IRAG1: variants seen among roughly 807,000 people sequenced by gnomAD.
IRAG1 encodes IP3R-associated cGMP kinase substrate.
IRAG1 carries 62 observed loss-of-function variants against 106.2 expected under a neutral mutation model. That is an observed-to-expected ratio of 0.58 (90% CI 0.48 to 0.72). The LOEUF (loss-of-function observed/expected upper bound fraction) is 0.72, where lower values mean the gene tolerates loss of function less well. Among genes scored for constraint, IRAG1 ranks in the 30% least tolerant of loss-of-function variants. The pLI is 0.00. For missense variants in IRAG1, 1,064 were observed against 1,140.7 expected, an observed-to-expected ratio of 0.93 and a Z score of 0.97; for synonymous variants, 462 against 443.9, an observed-to-expected ratio of 1.04 and a Z score of -0.51.
At position 10,631,992 on chromosome 11, in the gene IRAG1, C is replaced by G. The variant is rs746872526; in HGVS notation, c.399G>C (p.Val133=). ...LKVSTASLTS[V]DPAGHIIDLV... is the part of the protein sequence containing the mutation. The stretch of plus-strand genomic sequence containing the variant: ...GCCTTAGATTGCCCTGGTCCTTACC[C>G]ACAGATGTCAGGGAGGCAGTGGACA... Residue 133 remains valine (V), a splice_region_variant and synonymous_variant, in exon 4 of 21, where the codon GTG becomes GTC. Coordinates refer to ENST00000423302, the MANE Select transcript of IRAG1 (RefSeq NM_130385.4). 2 of 1,613,604 alleles carry G rather than the reference C, an allele frequency of 1.2e-6. No homozygotes were observed. Among genetic ancestry groups the G allele is most frequent in the Admixed American group, 3.3e-5 (2 of 60,016 alleles).
In IRAG1 at chr11:10,654,306, T is replaced by C. The variant is rs1046256614; in HGVS notation, c.68-2124A>G. On this transcript the variant is annotated intron_variant, in intron 1 of 20. Transcript: ENST00000423302. ...TGAGCTAGGCAAGGTGTCAGATTCA[T>C]CCTAGGTACCCAAAAGATTCAGCAA... Among the ~76,000 whole-genome samples, 3 of 152,204 alleles carry C rather than the reference T, an allele frequency of 2.0e-5. No individual in the cohort carries two copies. The East Asian group carries it at 5.8e-4, about 29-fold the overall frequency.
chr11:10,576,598 A>T, intron 20 of IRAG1, 23 bp from the exon 21 acceptor site: 1 of 1,613,444 alleles, frequency 6.2e-7, no homozygotes, highest in Non-Finnish European at 8.5e-7. Flanking sequence ...AAAAATATGC[A>T]GAGGCTTTAG....
At chr11:10,662,926 G>T (rs765353532) in intron 1 of IRAG1, among the ~76,000 whole-genome samples, 12 of 152,338 alleles carry the variant, frequency 7.9e-5, no homozygotes, top group South Asian at 4.1e-4. Flanking sequence ...CACTTGATGG[G>T]ATCGCACTAG....
At chr11:10,680,355 AAGAAAG>A (rs1460586813) in intron 1 of IRAG1, among the ~76,000 whole-genome samples, 1 of 90,462 alleles carries the variant, frequency 1.1e-5, no homozygotes, top group African/African-American at 4.9e-5. Context: ...GAAAGAAAGA[AAGAAAG>A]AAAGAAAGAA....
rs1856452080 is a variant in IRAG1 at position 10,628,611 on chromosome 11, G to A, written c.652+140C>T. 5 of 696,890 alleles carry A rather than the reference G, an allele frequency of 7.2e-6. No individual in the cohort carries two copies. The highest frequency in any genetic ancestry group is 9.1e-6 in the Non-Finnish European group (4 of 437,950). 43.2% of individuals were successfully genotyped at this position (696,890 alleles called of 1,614,324 possible). ...CAGCAAATGCCCCCCCTGGAGAGGG[G>A]TCTTGCTCTGGGTGTGAAGGGGCCA... is the stretch of plus-strand genomic sequence containing the variant. On this transcript the variant is annotated intron_variant, in intron 6 of 20. Transcript: ENST00000423302. This position sits in a 1 kb window ranked among gnomAD's most constrained non-coding sequence, Gnocchi z 4.1.
At chr11:10,660,157 G>A (rs896444179) in intron 1 of IRAG1, among the ~76,000 whole-genome samples, 2 of 152,230 alleles carry the variant, frequency 1.3e-5, no homozygotes, top group African/African-American at 2.4e-5. Flanking sequence ...GTGGTGCACA[G>A]GAGCCTGCTT....
At chr11:10,679,436 C>T (rs1860968199) in intron 1 of IRAG1, among the ~76,000 whole-genome samples, 1 of 152,210 alleles carries the variant, frequency 6.6e-6, no homozygotes, top group African/African-American at 2.4e-5. Context: ...AATCCCCCAA[C>T]TGCCCTATGA....
chr11:10,584,025 G>T (rs990373677), intron 18 of IRAG1, among the ~76,000 whole-genome samples: 3 of 152,126 alleles, frequency 2.0e-5, no homozygotes, highest in African/African-American at 7.2e-5. Context: ...GCTGGGAGGT[G>T]CTGGGAGATC....
At chr11:10,601,437 C>T (rs1243140238) in intron 14 of IRAG1, among the ~76,000 whole-genome samples, 1 of 152,126 alleles carries the variant, frequency 6.6e-6, no homozygotes, top group Non-Finnish European at 1.5e-5. Context: ...CAAGAGGAGT[C>T]TAGAGGCAGG....
At chr11:10,629,733 G>C (rs746784606) in intron 4 of IRAG1, 22 bp from the exon 5 acceptor site, 11 of 1,608,370 alleles carry the variant, frequency 6.8e-6, no homozygotes, top group Admixed American at 1.7e-5. Flanking sequence ...GGATGAGCTG[G>C]GGTGAGAGCC....
At chr11:10,678,801 T>A (rs12420675) in intron 1 of IRAG1, among the ~76,000 whole-genome samples, 60,882 of 152,064 alleles carry the variant, frequency 0.4, 12,542 homozygotes, top group African/African-American at 0.47. Flanking sequence ...TGGGGCAGAT[T>A]CTGCCTGTAC....
In IRAG1 at chr11:10,626,228, G is replaced by C. The variant is rs1311215199; in HGVS notation, c.1106C>G (p.Pro369Arg). 1.3e-6 allele frequency: 2 copies of C among 1,598,368 alleles called. No individual in the cohort carries two copies. The highest frequency in any genetic ancestry group is 1.7e-5 in the Admixed American group (1 of 58,896). Reference sequence around the variant, plus strand: ...TTTGGAGCCAGCCTCGGGCCCCATCGGCTCTCCAGCTGGGCCTCTCCCCTG... The same window carrying C: ...TTTGGAGCCAGCCTCGGGCCCCATCCGCTCTCCAGCTGGGCCTCTCCCCTG... ...ASQGRGPAGE[P>R]MGPEAGSKAE... The change falls in exon 9 of 21, where the codon CCG (proline) becomes CGG (arginine). Residue 369 changes from proline (P) to arginine (R), a missense_variant. Coordinates refer to ENST00000423302, the MANE Select transcript of IRAG1 (RefSeq NM_130385.4).
intron 18 of IRAG1, among the ~76,000 whole-genome samples, chr11:10,583,114 GA>G (rs1199391121): frequency 2.0e-5 from 3 of 152,232 alleles, no homozygotes; most frequent in Non-Finnish European, 4.4e-5. Context: ...TATCCAAAGG[GA>G]GATGTCAAGT....
chr11:10,632,329 G>C (rs11042900), intron 3 of IRAG1, among the ~76,000 whole-genome samples: 9,592 of 151,868 alleles, frequency 0.063, 1,029 homozygotes, highest in African/African-American at 0.22. Context: ...GAGACTACAG[G>C]CATGTGCCAC....
intron 15 of IRAG1, among the ~76,000 whole-genome samples, chr11:10,596,700 C>A (rs1473168475): frequency 6.6e-6 from 1 of 152,158 alleles, no homozygotes; most frequent in African/African-American, 2.4e-5. Flanking sequence ...CAATTTATTT[C>A]TCTGAACTAT....
At chr11:10,631,324 T>A (rs181827458) in intron 4 of IRAG1, among the ~76,000 whole-genome samples, 1 of 152,314 alleles carries the variant, frequency 6.6e-6, no homozygotes, top group East Asian at 1.9e-4. Context: ...TCAGTGTGTT[T>A]CCTATTCCCC....
intron 7 of IRAG1, 49 bp from the exon 8 acceptor site, chr11:10,627,809 G>A: frequency 1.2e-6 from 2 of 1,611,978 alleles, no homozygotes; most frequent in Non-Finnish European, 1.7e-6. Flanking sequence ...AAGAGACCGT[G>A]TTTCCTCTTG....
intron 10 of IRAG1, among the ~76,000 whole-genome samples, chr11:10,614,203 G>A (rs965009258): frequency 7.2e-5 from 11 of 152,004 alleles, no homozygotes; most frequent in African/African-American, 2.7e-4. Context: ...TCCCCAAGGG[G>A]CTCTGTATGA....
chr11:10,647,139 C>T lies in IRAG1; in HGVS notation c.225+4886G>A, dbSNP rs78135270. ...GAGTGGCTTTGGGAACACAGGACAACGTACTGTTGGCCCAGGTCCCAGAGC... is the reference window on the plus strand; with the variant it reads ...GAGTGGCTTTGGGAACACAGGACAATGTACTGTTGGCCCAGGTCCCAGAGC... On this transcript the variant is annotated intron_variant, in intron 2 of 20. Coordinates refer to ENST00000423302, the MANE Select transcript of IRAG1 (RefSeq NM_130385.4). The surrounding 1 kb of genome is among the most constrained non-coding windows in gnomAD (Gnocchi z 4.3). Among the ~76,000 whole-genome samples the T allele has an allele frequency of 1.1e-4, 16 of 152,256 alleles. No individual in the cohort carries two copies. Among genetic ancestry groups the T allele is most frequent in the Admixed American group, 3.3e-4 (5 of 15,302 alleles).
Sources: allele counts gnomAD v4.1 joint callset (sites outside exome capture counted in the v4.1 genomes callset), GRCh38; gene constraint gnomAD v4.1.1; non-coding constraint Gnocchi (gnomAD v3.1); transcripts MANE v1.5; gene names NCBI Gene and HGNC (gene_info 2026-07-23, HGNC 2026-07-21).